The following ABTB3 variants were observed in gnomAD, a reference collection of about 807,000 sequenced individuals.
ABTB3 encodes the protein ankyrin repeat- and BTB/POZ domain-containing protein 3.
At chr12:107,395,971 G>A in the ABTB3 span, among the ~76,000 whole-genome samples, 1 of 152,194 alleles carries the variant, frequency 6.6e-6, no homozygotes, top group African/African-American at 2.4e-5. Flanking sequence ...ACAGCAGGGA[G>A]GGAGTGCTGA....
At chr12:107,643,755 T>TG in the ABTB3 span, among the ~76,000 whole-genome samples, 1 of 134,146 alleles carries the variant, frequency 7.5e-6, no homozygotes, top group Non-Finnish European at 1.6e-5. Flanking sequence ...GTTATTCCTT[T>TG]TTTTTTTTTT....
the ABTB3 span, among the ~76,000 whole-genome samples, chr12:107,633,951 C>T: frequency 3.9e-5 from 6 of 152,220 alleles, no homozygotes; most frequent in Non-Finnish European, 7.3e-5. Flanking sequence ...TTGAGAAGAA[C>T]TGCATTAAGC....
the ABTB3 span, among the ~76,000 whole-genome samples, chr12:107,382,014 G>A: frequency 9.5e-3 from 1,446 of 152,256 alleles, 29 homozygotes; most frequent in African/African-American, 0.033. Flanking sequence ...AGATACAGTC[G>A]TGACCAAATC....
the ABTB3 span, among the ~76,000 whole-genome samples, chr12:107,377,909 C>T: frequency 6.6e-6 from 1 of 152,074 alleles, no homozygotes. Flanking sequence ...TTAATCCCCT[C>T]GTAGTTTCCA....
chr12:107,426,381 G>A, the ABTB3 span, among the ~76,000 whole-genome samples: 227 of 152,190 alleles, frequency 1.5e-3, 1 homozygote, highest in African/African-American at 5.2e-3. Flanking sequence ...CTGCATCCCC[G>A]ATGGGACACA....
At chr12:107,426,466 G>A in the ABTB3 span, among the ~76,000 whole-genome samples, 4,268 of 152,168 alleles carry the variant, frequency 0.028, 106 homozygotes, top group Non-Finnish European at 0.043. Context: ...GCAGGGTCAC[G>A]ATCGAGGGTG....
chr12:107,437,127 G>C, the ABTB3 span, among the ~76,000 whole-genome samples: 15 of 152,208 alleles, frequency 9.9e-5, no homozygotes, highest in African/African-American at 3.6e-4. Flanking sequence ...TGATGATGTG[G>C]GTCCATTTCC....
At chr12:107,392,073 A>G in the ABTB3 span, among the ~76,000 whole-genome samples, 4 of 152,188 alleles carry the variant, frequency 2.6e-5, no homozygotes, top group African/African-American at 9.6e-5. Flanking sequence ...GGCAATACCA[A>G]CGCTGTGGGC....
the ABTB3 span, among the ~76,000 whole-genome samples, chr12:107,602,013 A>G: frequency 1.3e-5 from 2 of 152,210 alleles, no homozygotes; most frequent in Non-Finnish European, 2.9e-5. Context: ...TAACAGAGTT[A>G]CACTGGAGTA....
chr12:107,649,377 G>A, the ABTB3 span: 10 of 1,119,940 alleles, frequency 8.9e-6, no homozygotes, highest in East Asian at 2.4e-5. Flanking sequence ...GGAAGGACCC[G>A]TGTTGGGTTT....
the ABTB3 span, among the ~76,000 whole-genome samples, chr12:107,480,702 ATG>A: frequency 2.0e-5 from 3 of 151,270 alleles, no homozygotes; most frequent in Admixed American, 6.6e-5. Flanking sequence ...ATGCAGAACG[ATG>A]TGTGTGTGTG....
the ABTB3 span, among the ~76,000 whole-genome samples, chr12:107,456,520 G>A: frequency 6.6e-6 from 1 of 152,064 alleles, no homozygotes; most frequent in Admixed American, 6.5e-5. Context: ...ACCCCCAGAT[G>A]GTACCATCAA....
chr12:107,320,617 G>T, the ABTB3 span: 1 of 456,114 alleles, frequency 2.2e-6, no homozygotes, highest in South Asian at 1.5e-5. Flanking sequence ...AAGCTTGCAC[G>T]GCCTAGACAG....
At chr12:107,375,237 C>T in the ABTB3 span, among the ~76,000 whole-genome samples, 1 of 152,024 alleles carries the variant, frequency 6.6e-6, no homozygotes, top group Admixed American at 6.5e-5. Flanking sequence ...GGCAACATGG[C>T]GAGACCTTGT....
At chr12:107,628,184 A>T in the ABTB3 span, among the ~76,000 whole-genome samples, 1 of 152,250 alleles carries the variant, frequency 6.6e-6, no homozygotes, top group South Asian at 2.1e-4. Flanking sequence ...CTTGTCACTC[A>T]GGCTGGAGTA....
the ABTB3 span, among the ~76,000 whole-genome samples, chr12:107,433,457 A>G: frequency 6.7e-6 from 1 of 148,310 alleles, no homozygotes; most frequent in East Asian, 2.0e-4. Flanking sequence ...TGGGCGTTCC[A>G]GAGCTTGCAG....
At chr12:107,510,855 G>T in the ABTB3 span, among the ~76,000 whole-genome samples, 2 of 152,108 alleles carry the variant, frequency 1.3e-5, no homozygotes, top group Admixed American at 1.3e-4. Flanking sequence ...CTGGGAGGTG[G>T]AGGTTGCAGT....
At chr12:107,576,644 C>A in the ABTB3 span, among the ~76,000 whole-genome samples, 4 of 152,176 alleles carry the variant, frequency 2.6e-5, no homozygotes, top group Non-Finnish European at 5.9e-5. Context: ...TTTGGGGGAA[C>A]ACGGTTCAGC....
chr12:107,426,492 C>A, the ABTB3 span, among the ~76,000 whole-genome samples: 5 of 152,174 alleles, frequency 3.3e-5, no homozygotes, highest in African/African-American at 1.2e-4. Context: ...GGCCTCTCTT[C>A]CTGCTCACTC....
Sources: gnomAD v4.1 joint callset for allele counts (sites outside exome capture counted in the v4.1 genomes callset) on GRCh38, gnomAD v4.1.1 for gene constraint, MANE v1.5 for transcripts, NCBI Gene and HGNC (gene_info 2026-07-23, HGNC 2026-07-21) for gene names.